ADAMTSL1: variants seen among roughly 807,000 people sequenced by gnomAD.
ADAMTSL1 encodes the protein ADAMTS like 1.
A neutral mutation model predicts 201.8 loss-of-function variants in ADAMTSL1; 126 were observed. That is an observed-to-expected ratio of 0.62 (90% CI 0.54 to 0.72). The LOEUF is 0.72. Ranked by LOEUF, ADAMTSL1 falls within the 30% of genes least tolerant of loss-of-function variation. The pLI is 0.00. For missense variants in ADAMTSL1, 2,679 were observed against 2,277.8 expected (o/e 1.18, Z -3.59); for synonymous variants, 1,121 against 903.4 (o/e 1.24, Z -4.32).
chr9:18,465,374 A>G (rs939436113), intron 2 of ADAMTSL1, among the ~76,000 whole-genome samples: 13 of 152,236 alleles, frequency 8.5e-5, no homozygotes, highest in Non-Finnish European at 1.2e-4. Context: ...GAGGTGGGCA[A>G]TACAGAAGCA....
At chr9:18,018,378 C>G (rs1223382149) in intron 1 of ADAMTSL1, among the ~76,000 whole-genome samples, 1 of 152,004 alleles carries the variant, frequency 6.6e-6, no homozygotes, top group Non-Finnish European at 1.5e-5. Flanking sequence ...GCATTCATGC[C>G]CTTCTGTAAT....
Position 18,254,648 on chromosome 9 carries a change from C to A in ADAMTSL1, c.207+90667C>A, listed in dbSNP as rs1455139162. Among the ~76,000 whole-genome samples the A allele has an allele frequency of 3.4e-5, 5 of 147,982 alleles. No individual in the cohort carries two copies. The East Asian group carries it at 7.9e-4, about 23-fold the overall frequency. ...AAAGTGCTGGGATTACAGGCGTGAG[C>A]CACCGCGCCTGCCCCCCCGCCCCCC... is the stretch of plus-strand genomic sequence containing the variant. On this transcript the variant is annotated intron_variant, in intron 2 of 29. Coordinates refer to the ADAMTSL1 transcript ENST00000680146.
intron 2 of ADAMTSL1, among the ~76,000 whole-genome samples, chr9:18,401,948 T>A (rs936655422): frequency 2.0e-5 from 3 of 152,212 alleles, no homozygotes; most frequent in African/African-American, 7.2e-5. Flanking sequence ...TAAATGTGCA[T>A]ATATCATATA....
At chr9:18,762,142 G>A (rs1347715403) in intron 16 of ADAMTSL1, among the ~76,000 whole-genome samples, 1 of 152,170 alleles carries the variant, frequency 6.6e-6, no homozygotes, top group Non-Finnish European at 1.5e-5. Context: ...AGGCTCTGGG[G>A]AATATAAAGA....
At chr9:18,503,421 G>GTA (rs10673652) in intron 1 of ADAMTSL1, among the ~76,000 whole-genome samples, 19,604 of 115,380 alleles carry the variant, frequency 0.17, 2,176 homozygotes, top group Non-Finnish European at 0.22. Flanking sequence ...ATTCCATTGT[G>GTA]TATATATATA....
At chr9:17,921,212 T>A (rs1826284650) in intron 1 of ADAMTSL1, among the ~76,000 whole-genome samples, 1 of 152,188 alleles carries the variant, frequency 6.6e-6, no homozygotes, top group African/African-American at 2.4e-5. Context: ...GAGTTAAATT[T>A]ACGTAGATTT....
intron 16 of ADAMTSL1, 75 bp downstream of exon 16, chr9:18,753,583 T>G: frequency 6.6e-7 from 1 of 1,509,226 alleles, no homozygotes; most frequent in Non-Finnish European, 8.9e-7. Context: ...TCTCTCAGAG[T>G]GGTTTTGTCC....
chr9:18,759,674 T>G (rs924332269), intron 16 of ADAMTSL1, among the ~76,000 whole-genome samples: 5 of 152,148 alleles, frequency 3.3e-5, no homozygotes, highest in Admixed American at 1.3e-4. Context: ...CATGTGGTTG[T>G]TTTTGTTTGT....
intron 2 of ADAMTSL1, among the ~76,000 whole-genome samples, chr9:18,200,877 A>T (rs1024698373): frequency 6.6e-6 from 1 of 151,962 alleles, no homozygotes; most frequent in Non-Finnish European, 1.5e-5. Flanking sequence ...AGTCATGATG[A>T]CCTCTTTCAG....
intron 1 of ADAMTSL1, among the ~76,000 whole-genome samples, chr9:18,042,742 G>A (rs756536363): frequency 2.6e-5 from 4 of 152,120 alleles, no homozygotes; most frequent in Non-Finnish European, 5.9e-5. Context: ...GAAAGCCTGA[G>A]TTATAACTTC....
At chr9:18,680,058 T>C in intron 10 of ADAMTSL1, among the ~76,000 whole-genome samples, 1 of 152,322 alleles carries the variant, frequency 6.6e-6, no homozygotes, top group South Asian at 2.1e-4. Context: ...ACACATATCT[T>C]TGTGGACAGC....
chr9:18,716,121 A>G (rs1268185320), intron 14 of ADAMTSL1, among the ~76,000 whole-genome samples: 1 of 151,494 alleles, frequency 6.6e-6, no homozygotes, highest in East Asian at 1.9e-4. Context: ...TTAGACCTAA[A>G]ACCGTAAAAA....
intron 4 of ADAMTSL1, among the ~76,000 whole-genome samples, chr9:18,579,234 C>T (rs961332008): frequency 6.7e-6 from 1 of 149,796 alleles, no homozygotes; most frequent in African/African-American, 2.5e-5. Flanking sequence ...TCTCAGTAAA[C>T]TATCGCAAGA....
chr9:18,298,932 A>G (rs1050215574), intron 2 of ADAMTSL1, among the ~76,000 whole-genome samples: 1 of 151,872 alleles, frequency 6.6e-6, no homozygotes, highest in Non-Finnish European at 1.5e-5. Flanking sequence ...GAATGGCGTG[A>G]ACCCGGGAGG....
chr9:18,375,889 G>T (rs1170527889), intron 2 of ADAMTSL1, among the ~76,000 whole-genome samples: 5 of 152,160 alleles, frequency 3.3e-5, no homozygotes, highest in African/African-American at 9.7e-5. Flanking sequence ...CAAACCTCTA[G>T]CTAGCCACAG....
In ADAMTSL1 at chr9:18,003,377, T is replaced by C. The variant is rs1312646539; in HGVS notation, c.87+96455T>C. Among the ~76,000 whole-genome samples, 6 of 152,088 alleles carry C rather than the reference T, an allele frequency of 3.9e-5. No homozygotes were observed. In the South Asian group the frequency reaches 8.3e-4, roughly 21 times the overall value. On this transcript the variant is annotated intron_variant, in intron 1 of 29. Coordinates refer to the ADAMTSL1 transcript ENST00000680146. ...ACTCAAGAGAGAGAGGATACCATCA[T>C]ACCTGCAAATACCAAGTGCTCCATT... is the stretch of plus-strand genomic sequence containing the variant.
chr9:18,737,988 A>G (rs936358246), intron 15 of ADAMTSL1, among the ~76,000 whole-genome samples: 1 of 152,222 alleles, frequency 6.6e-6, no homozygotes, highest in Non-Finnish European at 1.5e-5. Flanking sequence ...TATCTATAAG[A>G]TAAAGATTTT....
intron 2 of ADAMTSL1, among the ~76,000 whole-genome samples, chr9:18,241,441 G>T (rs1402238735): frequency 6.6e-6 from 1 of 151,842 alleles, no homozygotes; most frequent in Non-Finnish European, 1.5e-5. Flanking sequence ...TCTTGTCCAG[G>T]TTATCATTTA....
intron 2 of ADAMTSL1, among the ~76,000 whole-genome samples, chr9:18,275,548 A>G (rs1832553247): frequency 6.6e-6 from 1 of 152,058 alleles, no homozygotes; most frequent in Admixed American, 6.5e-5. Context: ...GCAACTACTG[A>G]TCTGGTTTTT....
Sources: gnomAD v4.1 joint callset for allele counts (sites outside exome capture counted in the v4.1 genomes callset) on GRCh38, gnomAD v4.1.1 for gene constraint, MANE v1.5 for transcripts, NCBI Gene and HGNC (gene_info 2026-07-23, HGNC 2026-07-21) for gene names.